GALM: variants seen among roughly 807,000 people sequenced by gnomAD.
GALM encodes galactose mutarotase.
A neutral mutation model predicts 37.4 loss-of-function variants in GALM; 43 were observed. The ratio of observed to expected loss-of-function variants is 1.15; its 90% CI spans 0.90 to 1.48. The LOEUF is 1.48. Among genes scored for constraint, GALM ranks in the 40% most tolerant of loss-of-function variants. The pLI is 0.00. For synonymous variants in GALM, 199 were observed against 170.6 expected, an observed-to-expected ratio of 1.17 and a Z score of -1.30; for missense variants, 456 against 419.1, an observed-to-expected ratio of 1.09 and a Z score of -0.77.
intron 1 of GALM, among the ~76,000 whole-genome samples, chr2:38,667,443 G>C (rs1664975236): frequency 6.6e-6 from 1 of 151,664 alleles, no homozygotes; most frequent in Non-Finnish European, 1.5e-5. Context: ...GGTGGCACGT[G>C]CCTGTAATCC....
intron 1 of GALM, among the ~76,000 whole-genome samples, chr2:38,671,985 CAAAA>C (rs947578790): frequency 6.7e-6 from 1 of 149,232 alleles, no homozygotes; most frequent in Non-Finnish European, 1.5e-5. Flanking sequence ...GACCCTGTCT[CAAAA>C]AAACAAAAAC....
At chr2:38,712,882 A>G (rs1453389275) in intron 4 of GALM, among the ~76,000 whole-genome samples, 1 of 152,150 alleles carries the variant, frequency 6.6e-6, no homozygotes, top group Non-Finnish European at 1.5e-5. Flanking sequence ...CCCCACATAA[A>G]ACCATTTTGT....
chr2:38,698,495 C>T lies in GALM; in HGVS notation c.634+8601C>T, dbSNP rs541193181. 393 of 771,100 alleles carry T rather than the reference C, an allele frequency of 5.1e-4. 1 individual carries two copies. Among genetic ancestry groups the T allele is most frequent in the Non-Finnish European group, 6.8e-4 (371 of 545,828 alleles). 47.8% of individuals were successfully genotyped at this position (771,100 alleles called of 1,614,324 possible). A position where few individuals can be genotyped will look rare whatever the true frequency, so the allele number is the denominator to read the frequency against. On this transcript the variant is annotated intron_variant, in intron 4 of 6. Coordinates refer to ENST00000272252, the MANE Select transcript of GALM (RefSeq NM_138801.3). ...TTAATTTAGCTCTGCGTCTTCAGAG[C>T]AATTATTCTTAGCTACTTAAAAAAA... is the stretch of plus-strand genomic sequence containing the variant.
intron 1 of GALM, chr2:38,668,386 T>C (rs893834915): frequency 1.3e-5 from 2 of 152,406 alleles, no homozygotes; most frequent in East Asian, 1.9e-4. Context: ...GTGTTTGTTG[T>C]AGAGGTGTGG....
chr2:38,684,545 G>A (rs58698866), intron 3 of GALM, among the ~76,000 whole-genome samples: 4,654 of 152,160 alleles, frequency 0.031, 229 homozygotes, highest in African/African-American at 0.11. Context: ...GGCAGCTCAC[G>A]CCTGTAATCC....
chr2:38,704,440 C>T lies in GALM; in HGVS notation c.634+14546C>T, dbSNP rs1248366969. Among the ~76,000 whole-genome samples, 7 of 151,876 alleles carry T rather than the reference C, an allele frequency of 4.6e-5. No homozygotes were observed. In the South Asian group the frequency reaches 8.3e-4, roughly 18 times the overall value. On this transcript the variant is annotated intron_variant, in intron 4 of 6. Transcript: ENST00000272252. ...ATCCCAGAACTTTGAGAGGCTAAGG[C>T]GGGAGGATTGATTGGGTCCAGGAGT... is the stretch of plus-strand genomic sequence containing the variant.
intron 4 of GALM, among the ~76,000 whole-genome samples, chr2:38,711,223 G>A (rs1250195703): frequency 3.4e-5 from 5 of 148,212 alleles, no homozygotes; most frequent in South Asian, 4.3e-4. Context: ...GCAATGGCGC[G>A]ATCTCAGCTC....
chr2:38,713,624 T>A (rs758590040), intron 4 of GALM, among the ~76,000 whole-genome samples: 3 of 152,116 alleles, frequency 2.0e-5, no homozygotes, highest in Non-Finnish European at 4.4e-5. Context: ...TGAAATCTTG[T>A]CAGGTGTGCT....
chr2:38,666,649 G>C (rs1664948668), intron 1 of GALM, among the ~76,000 whole-genome samples: 2 of 152,216 alleles, frequency 1.3e-5, no homozygotes, highest in African/African-American at 2.4e-5. Flanking sequence ...AGCGATCTTT[G>C]AACTGCCTAA....
At chr2:38,679,090 G>A (rs547742828) in intron 2 of GALM, among the ~76,000 whole-genome samples, 2 of 152,274 alleles carry the variant, frequency 1.3e-5, no homozygotes, top group East Asian at 3.9e-4. Context: ...AGGTTCAAGT[G>A]GTTCTCCTGC....
chr2:38,725,142 T>C (rs565534492), intron 4 of GALM, among the ~76,000 whole-genome samples: 2 of 152,206 alleles, frequency 1.3e-5, no homozygotes, highest in Non-Finnish European at 2.9e-5. Flanking sequence ...TTTAAAGTTA[T>C]AGAAGAAAGC....
intron 2 of GALM, among the ~76,000 whole-genome samples, chr2:38,680,358 C>CT (rs1180505589): frequency 1.3e-5 from 2 of 152,070 alleles, no homozygotes; most frequent in Non-Finnish European, 2.9e-5. Context: ...CTTCTTCATA[C>CT]TTTTTTTTGC....
intron 4 of GALM, among the ~76,000 whole-genome samples, chr2:38,714,076 G>T (rs938733075): frequency 2.0e-5 from 3 of 152,048 alleles, no homozygotes; most frequent in African/African-American, 7.2e-5. Context: ...TAAGAGCTTT[G>T]TAAGTATTAA....
chr2:38,666,311 G>A lies in GALM; in HGVS notation c.150G>A (p.Gly50=), dbSNP rs1664930468. Residue 50 remains glycine (G), a synonymous_variant, in exon 1 of 7, where the codon GGG becomes GGA. Transcript: ENST00000272252. ...CCCTAGAGGTCAAAGACAGGCAGGG[G>A]AGAGCCTCGGACGTGGTGCTTGGCT... ...ITALEVKDRQ[G]RASDVVLGFA... is the part of the protein sequence containing the mutation. 6.2e-7 allele frequency: 1 copy of A among 1,613,754 alleles called. No individual in the cohort carries two copies. The highest frequency in any genetic ancestry group is 8.5e-7 in the Non-Finnish European group (1 of 1,179,820).
chr2:38,715,157 C>T (rs1256121306), intron 4 of GALM, among the ~76,000 whole-genome samples: 1 of 152,154 alleles, frequency 6.6e-6, no homozygotes, highest in Non-Finnish European at 1.5e-5. Flanking sequence ...AAAGTCTATG[C>T]TGTGTGATGC....
chr2:38,710,635 G>A (rs1331834918), intron 4 of GALM, among the ~76,000 whole-genome samples: 1 of 151,962 alleles, frequency 6.6e-6, no homozygotes, highest in African/African-American at 2.4e-5. Flanking sequence ...AAACTCCTGG[G>A]CTTAAGTGAT....
At chr2:38,669,926 T>A (rs1242973805) in intron 1 of GALM, among the ~76,000 whole-genome samples, 1 of 149,058 alleles carries the variant, frequency 6.7e-6, no homozygotes. Flanking sequence ...GCAGTGGCGC[T>A]ATCTCGGCTC....
rs367658978 is a variant in GALM at position 38,733,572 on chromosome 2, G to A, written c.*7G>A. On this transcript the variant is annotated 3_prime_UTR_variant, in exon 7 of 7. Coordinates refer to ENST00000272252, the MANE Select transcript of GALM (RefSeq NM_138801.3). ...CAAGTTTTCTGTGGCTTAAGGAAGT[G>A]TGAAGATATGATCCAGTCCAGGGCT... 2.4e-5 allele frequency: 39 copies of A among 1,608,270 alleles called. No individual in the cohort carries two copies. In the African/African-American group the frequency reaches 4.1e-4, roughly 17 times the overall value.
intron 4 of GALM, among the ~76,000 whole-genome samples, chr2:38,716,902 G>A (rs1240610723): frequency 6.6e-6 from 1 of 152,114 alleles, no homozygotes; most frequent in Non-Finnish European, 1.5e-5. Flanking sequence ...GTACTCTAAT[G>A]AAAATGACAG....
Sources: allele counts gnomAD v4.1 joint callset (sites outside exome capture counted in the v4.1 genomes callset), GRCh38; gene constraint gnomAD v4.1.1; transcripts MANE v1.5; gene names NCBI Gene and HGNC (gene_info 2026-07-23, HGNC 2026-07-21).